Variants in DHRS4L2 observed in about 807,000 individuals in gnomAD.
DHRS4L2 encodes dehydrogenase/reductase SDR family member 4-like 2.
In DHRS4L2, 22 loss-of-function variants were observed where a neutral mutation model predicts 23.9. That is an observed-to-expected ratio of 0.92 (90% confidence interval 0.66 to 1.31). DHRS4L2 has a LOEUF of 1.31. DHRS4L2 is among the 40% of genes most tolerant of loss of function. The pLI is 0.00. For missense variants in DHRS4L2, 385 were observed against 303.3 expected, an observed-to-expected ratio of 1.27 and a Z score of -2.00; for synonymous variants, 141 against 123.7, an observed-to-expected ratio of 1.14 and a Z score of -0.93.
chr14:23,999,344 T>TAAAAAAA (rs71426825), intron 3 of DHRS4L2, among the ~76,000 whole-genome samples: 4 of 53,676 alleles, frequency 7.5e-5, no homozygotes, highest in African/African-American at 8.8e-5. Flanking sequence ...CTCCAATTTG[T>TAAAAAAA]AAAAAAAAAA....
chr14:23,990,153 T>C (rs1319039208), intron 1 of DHRS4L2, 29 bp from the exon 2 acceptor site: 1 of 1,612,026 alleles, frequency 6.2e-7, no homozygotes, highest in African/African-American at 1.3e-5. Context: ...GCACAGGCCT[T>C]AGCAGTCTTT....
Position 23,977,785 on chromosome 14 carries a change from A to C in DHRS4L2, c.-176+7453A>C, listed in dbSNP as rs550673475. Among the ~76,000 whole-genome samples, 3 of 151,676 alleles carry C rather than the reference A, an allele frequency of 2.0e-5. No homozygotes were observed. The East Asian group carries it at 5.8e-4, about 29-fold the overall frequency. ...GACCCTTGTTGTATATTAATTTCCC[A>C]TTGTTGTCCTGCTTTGCTTAGACCA... On this transcript the variant is annotated intron_variant, in intron 1 of 5. Coordinates refer to the DHRS4L2 transcript ENST00000534993.
At chr14:24,000,994 T>A in intron 4 of DHRS4L2, 39 bp from the exon 5 acceptor site, 1 of 1,611,258 alleles carries the variant, frequency 6.2e-7, no homozygotes, top group Non-Finnish European at 8.5e-7. Flanking sequence ...AGGGCAGTGG[T>A]CCACACTGGG....
At chr14:23,990,098 C>T (rs984101538) in intron 1 of DHRS4L2, 84 bp from the exon 2 acceptor site, 32 of 1,567,598 alleles carry the variant, frequency 2.0e-5, no homozygotes, top group Admixed American at 6.0e-5. Flanking sequence ...AATTCAAACC[C>T]GGGCAGTCTT....
In DHRS4L2 at chr14:23,991,986, C is replaced by T. The variant is rs377213869; in HGVS notation, c.306+1627C>T. ...CCTGACCTCAGGTGATCCACCCCCT[C>T]GGCCTCTCAAAGTGCTGGGATTACA... On this transcript the variant is annotated intron_variant, in intron 2 of 7. Transcript: ENST00000335125. Among the ~76,000 whole-genome samples, 13 of 151,542 alleles carry T rather than the reference C, an allele frequency of 8.6e-5. 1 individual carries two copies. The South Asian group carries it at 1.0e-3, about 12-fold the overall frequency.
chr14:23,980,551 C>G (rs554510879), intron 1 of DHRS4L2, among the ~76,000 whole-genome samples: 1 of 146,078 alleles, frequency 6.8e-6, no homozygotes, highest in Admixed American at 6.9e-5. Flanking sequence ...TGAGAACATC[C>G]TCAATAAAAT....
rs764559407 is a variant in DHRS4L2 at position 24,006,001 on chromosome 14, G to A, written c.*138G>A. 5.6e-6 allele frequency: 9 copies of A among 1,606,266 alleles called. No homozygotes were observed. Among genetic ancestry groups the A allele is most frequent in the Admixed American group, 1.7e-5 (1 of 59,066 alleles). On this transcript the variant is annotated 3_prime_UTR_variant, in exon 8 of 8. Coordinates refer to ENST00000335125, the MANE Select transcript of DHRS4L2 (RefSeq NM_198083.4). Reference sequence around the variant, plus strand: ...TGGAGGAACCCCGTCCCGCCTCTGAGGACCGGGAGACAGCCCACAGGCCAG... The same window carrying A: ...TGGAGGAACCCCGTCCCGCCTCTGAAGACCGGGAGACAGCCCACAGGCCAG...
chr14:23,981,145 C>A (rs2034044385), intron 1 of DHRS4L2, among the ~76,000 whole-genome samples: 1 of 151,646 alleles, frequency 6.6e-6, no homozygotes, highest in South Asian at 2.1e-4. Flanking sequence ...AAATCAGAAG[C>A]ATTCCTATAT....
intron 2 of DHRS4L2, among the ~76,000 whole-genome samples, chr14:23,992,718 T>C (rs982142702): frequency 4.6e-5 from 7 of 151,108 alleles, no homozygotes; most frequent in African/African-American, 1.5e-4. Context: ...CAGTGCCTCA[T>C]TCTGTTGCCC....
At position 24,005,918 on chromosome 14, in the gene DHRS4L2, T is replaced by C; in HGVS notation, c.*55T>C. On this transcript the variant is annotated 3_prime_UTR_variant, in exon 8 of 8. Transcript: ENST00000335125. ...GAGCCAGAGGATTGTGCTGGCATCG[T>C]GTCTTTCCTGTGCTCTGAAGATGCC... is the stretch of plus-strand genomic sequence containing the variant. The C allele has an allele frequency of 1.2e-6, 2 of 1,608,474 alleles. No homozygotes were observed. Among genetic ancestry groups the C allele is most frequent in the African/African-American group, 2.7e-5 (2 of 74,380 alleles).
rs1270989229 is a variant in DHRS4L2, at chr14:23,970,015, C to T, written c.-493C>T. 10 of 455,658 alleles carry T rather than the reference C, an allele frequency of 2.2e-5. No individual in the cohort carries two copies. The East Asian group carries it at 2.8e-4, about 13-fold the overall frequency. 28.2% of individuals were successfully genotyped at this position (455,658 alleles called of 1,614,324 possible). A position where few individuals can be genotyped will look rare whatever the true frequency, so the allele number is the denominator to read the frequency against. On this transcript the variant is annotated 5_prime_UTR_variant, in exon 1 of 6. Coordinates refer to the DHRS4L2 transcript ENST00000534993. The stretch of plus-strand genomic sequence containing the variant: ...CCTCACCGCCCGGGCTTTACTGAAG[C>T]GGAGTCTAGCATGTGCGGCTGCTCC...
intron 1 of DHRS4L2, among the ~76,000 whole-genome samples, chr14:23,974,581 C>CACTGAAAT (rs1445837707): frequency 6.6e-6 from 1 of 151,668 alleles, no homozygotes; most frequent in Non-Finnish European, 1.5e-5. Context: ...CCAGTGATCC[C>CACTGAAAT]ACAGAAATAC....
intron 1 of DHRS4L2, among the ~76,000 whole-genome samples, chr14:23,982,005 G>A (rs551406548): frequency 6.6e-6 from 1 of 151,580 alleles, no homozygotes; most frequent in African/African-American, 2.4e-5. Flanking sequence ...GGAGACAGTG[G>A]CCTTCCTCTA....
upstream of DHRS4L2, among the ~76,000 whole-genome samples, chr14:23,985,437 G>A (rs1360450038): frequency 6.6e-6 from 1 of 151,560 alleles, no homozygotes; most frequent in Non-Finnish European, 1.5e-5. Context: ...GCCTAATCCT[G>A]ACTTGTGTCA....
upstream of DHRS4L2, among the ~76,000 whole-genome samples, chr14:23,987,772 G>C (rs181537019): frequency 2.6e-5 from 4 of 151,750 alleles, no homozygotes; most frequent in East Asian, 7.7e-4. Flanking sequence ...ATTTTGCTTT[G>C]AACTAGTGAA....
intron 1 of DHRS4L2, among the ~76,000 whole-genome samples, chr14:23,970,645 G>A (rs1022139957): frequency 9.9e-5 from 15 of 152,046 alleles, no homozygotes; most frequent in Non-Finnish European, 1.5e-4. Context: ...TTCGTGCTCC[G>A]ATAACGGACA....
chr14:23,978,239 A>G (rs7142738), intron 1 of DHRS4L2, among the ~76,000 whole-genome samples: 15,673 of 150,606 alleles, frequency 0.1, 1,162 homozygotes, highest in East Asian at 0.24. Flanking sequence ...TCACCATAGC[A>G]TTGTTTGAAA....
At chr14:23,977,770 G>A (rs989649251) in intron 1 of DHRS4L2, among the ~76,000 whole-genome samples, 1 of 151,432 alleles carries the variant, frequency 6.6e-6, no homozygotes, top group African/African-American at 2.4e-5. Context: ...GACCCTTGTT[G>A]TATATTAATT....
intron 1 of DHRS4L2, among the ~76,000 whole-genome samples, chr14:23,973,346 C>T (rs996332753): frequency 6.6e-6 from 1 of 151,964 alleles, no homozygotes; most frequent in Non-Finnish European, 1.5e-5. Context: ...CGCACAGCCC[C>T]AGTTCCCGCC....
Sources: allele counts gnomAD v4.1 joint callset (sites outside exome capture counted in the v4.1 genomes callset), GRCh38; gene constraint gnomAD v4.1.1; transcripts MANE v1.5; gene names NCBI Gene and HGNC (gene_info 2026-07-23, HGNC 2026-07-21).